Variants in CMA1 observed in about 807,000 individuals in gnomAD.
CMA1 encodes chymase.
In CMA1, 24 loss-of-function variants were observed where a neutral mutation model predicts 18.8. The ratio of observed to expected loss-of-function variants is 1.28; its 90% CI spans 0.92 to 1.80. The LOEUF (loss-of-function observed/expected upper bound fraction) is 1.80, where lower values mean the gene tolerates loss of function less well. CMA1 is among the 40% of genes most tolerant of loss of function. The pLI, the probability that CMA1 is intolerant of heterozygous loss-of-function variation, is 0.00. For missense variants in CMA1, 421 were observed against 302.8 expected (o/e 1.39, Z -2.90); for synonymous variants, 152 against 117.0 (o/e 1.30, Z -1.93).
chr14:24,506,050 C>G lies in CMA1; in HGVS notation c.578G>C (p.Arg193Thr). 6.2e-7 allele frequency: 1 copy of G among 1,614,180 alleles called. No homozygotes were observed. Among genetic ancestry groups the G allele is most frequent in the Non-Finnish European group, 8.5e-7 (1 of 1,180,024 alleles). ...CACCTTAAATGCAGATTTTGTCTTC[C>G]TGGGATTGCCCACACACAGCTGAAG... ...HNLQLCVGNP[R>T]KTKSAFKGDS... Residue 193 changes from arginine (R) to threonine (T), a missense_variant, in exon 4 of 5, where the codon AGG becomes ACG. Transcript: ENST00000250378.
rs539126881 is a variant in CMA1, at chr14:24,505,464, G to T, written c.*52C>A. The stretch of plus-strand genomic sequence containing the variant: ...GACCAGAATGAGTGGCACACACTTT[G>T]CTGCTCAGGTCCAGTTCCAGCTTCC... On this transcript the variant is annotated 3_prime_UTR_variant, in exon 5 of 5. Transcript: ENST00000250378. 31 of 1,611,790 alleles carry T rather than the reference G, an allele frequency of 1.9e-5. No homozygotes were observed. The highest frequency in any genetic ancestry group is 5.0e-5 in the Admixed American group (3 of 59,992).
In CMA1 at chr14:24,507,513, C is replaced by G; in HGVS notation, c.59-7G>C. On this transcript the variant is annotated splice_polypyrimidine_tract_variant and splice_region_variant and intron_variant, in intron 1 of 4. Transcript: ENST00000250378. Reference sequence around the variant, plus strand: ...GTGCCCCCGATGATCTCCCCTGGAACAGAGCACCCCAGGGTTTGAACACGG... The same window carrying G: ...GTGCCCCCGATGATCTCCCCTGGAAGAGAGCACCCCAGGGTTTGAACACGG... 1.2e-6 allele frequency: 2 copies of G among 1,610,882 alleles called. No homozygotes were observed. The highest frequency in any genetic ancestry group is 1.7e-6 in the Non-Finnish European group (2 of 1,178,420).
chr14:24,505,604 T>C lies in CMA1; in HGVS notation c.656A>G (p.Tyr219Cys). The C allele has an allele frequency of 6.2e-7, 1 of 1,613,838 alleles. No homozygotes were observed. The highest frequency in any genetic ancestry group is 8.5e-7 in the Non-Finnish European group (1 of 1,179,980). Residue 219 changes from tyrosine to cysteine, a missense_variant, in exon 5 of 5, where the codon TAT (tyrosine) becomes TGT (cysteine). By Grantham distance (194) the Tyr-to-Cys change is radical (BLOSUM62 -2). Transcript: ENST00000250378. ...AGGGGGCTTTGCATCCGACCGTCCA[T>C]AGGATACGATGCCCTGGGCCACCCC... is the stretch of plus-strand genomic sequence containing the variant. ...CAGVAQGIVS[Y>C]GRSDAKPPAV...
At chr14:24,506,716 C>A in intron 2 of CMA1, 112 bp from the exon 3 acceptor site, 3 of 1,289,088 alleles carry the variant, frequency 2.3e-6, no homozygotes, top group Non-Finnish European at 3.2e-6. Flanking sequence ...GGTCGCCGGA[C>A]TCTACCCATC....
In CMA1 at chr14:24,508,207, A is replaced by T; in HGVS notation, c.29T>A (p.Leu10His). The T allele has an allele frequency of 6.2e-7, 1 of 1,613,926 alleles. No individual in the cohort carries two copies. Among genetic ancestry groups the T allele is most frequent in the Non-Finnish European group, 8.5e-7 (1 of 1,179,930 alleles). The change falls in exon 1 of 5, where the codon CTC becomes CAC. Residue 10 changes from leucine to histidine, a missense_variant. Leu to His is a moderately conservative substitution (Grantham distance 99). Transcript: ENST00000250378. Reference protein sequence around the residue: MLLLPLPLLLFLLCSRAEAG... With the variant: MLLLPLPLLHFLLCSRAEAG... ...TTCAGCTCTGGAGCACAAGAGAAAG[A>T]GCAGCAGGGGGAGAGGAAGAAGCAG...
intron 3 of CMA1, 65 bp downstream of exon 3, chr14:24,506,404 A>G: frequency 6.2e-7 from 1 of 1,602,388 alleles, no homozygotes; most frequent in Non-Finnish European, 8.5e-7. Context: ...ATTCAGGGCA[A>G]TGAGGACCTG....
At chr14:24,505,800 C>A in intron 4 of CMA1, 141 bp from the exon 5 acceptor site, 2 of 1,177,044 alleles carry the variant, frequency 1.7e-6, no homozygotes, top group Middle Eastern at 2.9e-4. Context: ...TTCTGATGCC[C>A]CTTCTTCCTT....
At chr14:24,505,724 A>C (rs553154016) in intron 4 of CMA1, 65 bp from the exon 5 acceptor site, 197 of 1,538,008 alleles carry the variant, frequency 1.3e-4, no homozygotes, top group Non-Finnish European at 1.4e-4. Flanking sequence ...TCTGCCAGCC[A>C]GCTTGGAGTC....
At chr14:24,506,360 A>G (rs2043856601) in intron 3 of CMA1, 78 bp from the exon 4 acceptor site, 5 of 1,591,148 alleles carry the variant, frequency 3.1e-6, no homozygotes, top group South Asian at 2.3e-5. Flanking sequence ...GGACAGGGTG[A>G]GTAGCTTCAT....
In CMA1 at chr14:24,506,028, C is replaced by T. The variant is rs1401891503; in HGVS notation, c.600G>A (p.Lys200=). 6.2e-7 allele frequency: 1 copy of T among 1,613,990 alleles called. No homozygotes were observed. The highest frequency in any genetic ancestry group is 1.7e-5 in the Admixed American group (1 of 60,024). ...GNPRKTKSAF[K]GDSGGPLLCA... is the part of the protein sequence containing the mutation. ...AGAGGAAACCTAGTTGGAGGATCAC[C>T]TTAAATGCAGATTTTGTCTTCCTGG... The change falls in exon 4 of 5, where the codon AAG becomes AAA. Residue 200 remains lysine (K), a splice_region_variant and synonymous_variant. Coordinates refer to ENST00000250378, the MANE Select transcript of CMA1 (RefSeq NM_001836.5).
rs2043868613 is a variant in CMA1, at chr14:24,507,513, C to T, written c.59-7G>A. 1 of 1,610,764 alleles carries T rather than the reference C, an allele frequency of 6.2e-7. No individual in the cohort carries two copies. The highest frequency in any genetic ancestry group is 1.3e-5 in the African/African-American group (1 of 74,888). Reference sequence around the variant, plus strand: ...GTGCCCCCGATGATCTCCCCTGGAACAGAGCACCCCAGGGTTTGAACACGG... The same window carrying T: ...GTGCCCCCGATGATCTCCCCTGGAATAGAGCACCCCAGGGTTTGAACACGG... On this transcript the variant is annotated splice_polypyrimidine_tract_variant and splice_region_variant and intron_variant, in intron 1 of 4. Coordinates refer to ENST00000250378, the MANE Select transcript of CMA1 (RefSeq NM_001836.5).
At position 24,505,529 on chromosome 14, in the gene CMA1, A is replaced by G. The variant is rs1020120691; in HGVS notation, c.731T>C (p.Leu244Pro). ...SHYRPWINQI[L>P]QAN ...CAGGATCCAGGATTAATTTGCCTGCAGGATCTGGTTGATCCAGGGCCGGTA... is the reference window on the plus strand; with the variant it reads ...CAGGATCCAGGATTAATTTGCCTGCGGGATCTGGTTGATCCAGGGCCGGTA... The change falls in exon 5 of 5, where the codon CTG becomes CCG. Residue 244 changes from leucine to proline, a missense_variant. Physicochemically the swap from Leu to Pro is moderately conservative, Grantham distance 98. Transcript: ENST00000250378. 3.1e-6 allele frequency: 5 copies of G among 1,614,138 alleles called. No homozygotes were observed. In the Admixed American group the frequency reaches 6.7e-5, roughly 22 times the overall value.
At position 24,507,390 on chromosome 14, in the gene CMA1, T is replaced by C. The variant is rs1307400505; in HGVS notation, c.175A>G (p.Asn59Asp). The change falls in exon 2 of 5, where the codon AAC becomes GAC. Residue 59 changes from asparagine to aspartate, a missense_variant. Transcript: ENST00000250378. Reference protein sequence around the residue: ...KFCGGFLIRRNFVLTAAHCAG... With the variant: ...KFCGGFLIRRDFVLTAAHCAG... ...CAATGAGCAGCCGTCAGCACAAAGT[T>C]CCGTCTTATAAGGAAACCACCACAA... The C allele has an allele frequency of 1.2e-6, 2 of 1,614,150 alleles. No individual in the cohort carries two copies. The highest frequency in any genetic ancestry group is 4.5e-5 in the East Asian group (2 of 44,878).
chr14:24,507,238 C>T, intron 2 of CMA1, 118 bp downstream of exon 2: 1 of 1,200,622 alleles, frequency 8.3e-7, no homozygotes. Flanking sequence ...AGTCTTCCCT[C>T]TCCTGAAAGT....
At position 24,505,400 on chromosome 14, in the gene CMA1, T is replaced by TTC; in HGVS notation, c.*114_*115dup. The TTC allele has an allele frequency of 7.4e-7, 1 of 1,351,136 alleles. No homozygotes were observed. Among genetic ancestry groups the TTC allele is most frequent in the East Asian group, 2.3e-5 (1 of 43,510 alleles). 83.7% of individuals were successfully genotyped at this position (1,351,136 alleles called of 1,614,324 possible). On this transcript the variant is annotated 3_prime_UTR_variant, in exon 5 of 5. Coordinates refer to ENST00000250378, the MANE Select transcript of CMA1 (RefSeq NM_001836.5). ...GAGAGTTCTGTGACCTGTAGGATAC[T>TTC]TCTGGAGGCTTAGGGTTGTGGCTGA...
Position 24,505,453 on chromosome 14 carries a change from G to A in CMA1, c.*63C>T. ...GACCAAGGGTAGACCAGAATGAGTG[G>A]CACACACTTTGCTGCTCAGGTCCAG... On this transcript the variant is annotated 3_prime_UTR_variant, in exon 5 of 5. Coordinates refer to ENST00000250378, the MANE Select transcript of CMA1 (RefSeq NM_001836.5). 3.1e-6 allele frequency: 5 copies of A among 1,605,650 alleles called. No homozygotes were observed. In the South Asian group the frequency reaches 5.5e-5, roughly 18 times the overall value.
At position 24,506,455 on chromosome 14, in the gene CMA1, A is replaced by G. The variant is rs1349280857; in HGVS notation, c.345+14T>C. The stretch of plus-strand genomic sequence containing the variant: ...AGAATGGGAAGTGGAAAGGGAGAAG[A>G]GAGGTGTTGTCACCTTTAGTAACAT... On this transcript the variant is annotated intron_variant, in intron 3 of 4. Coordinates refer to ENST00000250378, the MANE Select transcript of CMA1 (RefSeq NM_001836.5). 5 of 1,613,926 alleles carry G rather than the reference A, an allele frequency of 3.1e-6. No homozygotes were observed. Among genetic ancestry groups the G allele is most frequent in the Non-Finnish European group, 4.2e-6 (5 of 1,179,880 alleles).
rs1172561563 is a variant in CMA1 at position 24,508,163 on chromosome 14, A to G, written c.58+15T>C. 1 of 1,612,788 alleles carries G rather than the reference A, an allele frequency of 6.2e-7. No individual in the cohort carries two copies. The highest frequency in any genetic ancestry group is 2.2e-5 in the East Asian group (1 of 44,858). ...TGATACTGCAGATTTCAGAGGGAAG[A>G]ACCCTGATACTCACCAGCTTCAGCT... On this transcript the variant is annotated intron_variant, in intron 1 of 4. Transcript: ENST00000250378.
chr14:24,506,367 T>A, intron 3 of CMA1, 85 bp from the exon 4 acceptor site: 2 of 1,591,422 alleles, frequency 1.3e-6, no homozygotes, highest in South Asian at 1.2e-5. Context: ...GTGAGTAGCT[T>A]CATGTTATAG....
Sources: gnomAD v4.1 joint callset for allele counts on GRCh38, gnomAD v4.1.1 for gene constraint, MANE v1.5 for transcripts, NCBI Gene and HGNC (gene_info 2026-07-23, HGNC 2026-07-21) for gene names.